Variants in CES4A observed in about 807,000 individuals in gnomAD.
CES4A encodes the protein carboxylesterase 4A, also known as carboxylesterase 6.
In CES4A, 48 loss-of-function variants were observed where a neutral mutation model predicts 65.4. That is an observed-to-expected ratio of 0.73 (90% confidence interval 0.58 to 0.93). The LOEUF (loss-of-function observed/expected upper bound fraction) is 0.93. Among genes scored for constraint, CES4A ranks in the 40% least tolerant of loss-of-function variants. The pLI is 0.00. For synonymous variants in CES4A, 247 were observed against 281.8 expected, an observed-to-expected ratio of 0.88 and a Z score of 1.24; for missense variants, 685 against 728.5, an observed-to-expected ratio of 0.94 and a Z score of 0.69.
In CES4A at chr16:67,003,394, G is replaced by A. The variant is rs1965505382; in HGVS notation, c.900+34G>A. On this transcript the variant is annotated intron_variant, in intron 7 of 13. Transcript: ENST00000648724. The surrounding 1 kb of genome is among the most constrained non-coding windows in gnomAD (Gnocchi z 4.2). ...AACATTCCAGCTGCCTGACCTGGCT[G>A]CCTGAGGGCCATCCTCCTATCCTGG... 5.0e-6 allele frequency: 8 copies of A among 1,605,202 alleles called. No individual in the cohort carries two copies. The East Asian group carries it at 1.6e-4, about 31-fold the overall frequency.
chr16:66,991,408 T>G (rs1964385174), intron 1 of CES4A, among the ~76,000 whole-genome samples: 1 of 152,246 alleles, frequency 6.6e-6, no homozygotes, highest in Non-Finnish European at 1.5e-5. Context: ...CCACCAACAG[T>G]ATATGTGAAT....
chr16:67,002,166 A>G (rs945338038), intron 5 of CES4A, among the ~76,000 whole-genome samples: 6 of 152,222 alleles, frequency 3.9e-5, no homozygotes, highest in Non-Finnish European at 8.8e-5. Flanking sequence ...GCAGAGGAAA[A>G]AAAAATTTTT....
rs773276608 is a variant in CES4A, at chr16:67,001,055, G to A, written c.536+65G>A. The stretch of plus-strand genomic sequence containing the variant: ...AGAGCGGCGGGGACTGGGTGGGAAG[G>A]GAGGGGCGGGGCCTGGGGCGGGGAT... On this transcript the variant is annotated intron_variant, in intron 4 of 13. Coordinates refer to ENST00000648724, the Ensembl canonical transcript of CES4A. The surrounding 1 kb of genome is among the most constrained non-coding windows in gnomAD (Gnocchi z 4.1). The A allele has an allele frequency of 7.9e-6, 9 of 1,137,786 alleles. No individual in the cohort carries two copies. Among genetic ancestry groups the A allele is most frequent in the East Asian group, 2.5e-5 (1 of 39,814 alleles). 70.5% of individuals were successfully genotyped at this position (1,137,786 alleles called of 1,614,324 possible).
At position 67,003,337 on chromosome 16, in the gene CES4A, G is replaced by T. The variant is rs769567193; in HGVS notation, c.877G>T (p.Val293Leu). 1 of 1,613,866 alleles carries T rather than the reference G, an allele frequency of 6.2e-7. No individual in the cohort carries two copies. The highest frequency in any genetic ancestry group is 8.5e-7 in the Non-Finnish European group (1 of 1,179,984). The change falls in exon 7 of 14, where the codon GTG becomes TTG. Residue 293 changes from valine to leucine, a missense_variant. Transcript: ENST00000648724. The surrounding 1 kb of genome is among the most constrained non-coding windows in gnomAD (Gnocchi z 4.2). The stretch of plus-strand genomic sequence containing the variant: ...CCTGAGGGCACTATCAGGGACCAAG[G>T]TGATGCGTGTGTCCAACAAGATGGT...
chr16:67,009,140 TAAGG>T (rs1334727138), exon 14 of CES4A: 1 of 1,611,574 alleles, frequency 6.2e-7, no homozygotes, highest in East Asian at 2.2e-5. Context: ...GAGGCAATTC[TAAGG>T]GTGGCTATGC....
rs1330602538 is a variant in CES4A at position 67,000,496 on chromosome 16, TACACGCACACGCACGCACATGCGCACGC to T, written c.261-133_261-106del. ...CCCCGGGGCTGGCGGAGGCCTCCTG[TACACGCACACGCACGCACATGCGCACGC>T]ACACGCACGCGCACAGACGCTGCCT... On this transcript the variant is annotated intron_variant, in intron 2 of 13. Transcript: ENST00000648724. This position sits in a 1 kb window ranked among gnomAD's most constrained non-coding sequence, Gnocchi z 4.2. The T allele has an allele frequency of 4.9e-6, 7 of 1,439,058 alleles. No individual in the cohort carries two copies. In the African/African-American group the frequency reaches 1.0e-4, roughly 21 times the overall value. The allele number at this position is 1,439,058 out of a possible 1,614,324, so 89.1% of individuals were successfully genotyped here.
At chr16:67,005,701 T>C (rs115379382) in intron 11 of CES4A, 9,985 of 270,268 alleles carry the variant, frequency 0.037, 301 homozygotes, top group South Asian at 0.073. Flanking sequence ...ACAAAAAAAT[T>C]AGCCAGCTGT....
chr16:67,000,563 G>A lies in CES4A; in HGVS notation c.261-75G>A. 6.7e-7 allele frequency: 1 copy of A among 1,492,818 alleles called. No individual in the cohort carries two copies. Among genetic ancestry groups the A allele is most frequent in the South Asian group, 1.3e-5 (1 of 77,956 alleles). 92.5% of individuals were successfully genotyped at this position (1,492,818 alleles called of 1,614,324 possible). Reference sequence around the variant, plus strand: ...CAGACGCTGCCTGGATTTTGCTTTGGGTTCCGTCTTCTCACTGCGGACCCT... The same window carrying A: ...CAGACGCTGCCTGGATTTTGCTTTGAGTTCCGTCTTCTCACTGCGGACCCT... On this transcript the variant is annotated intron_variant, in intron 2 of 13. Coordinates refer to ENST00000648724, the Ensembl canonical transcript of CES4A. This position sits in a 1 kb window ranked among gnomAD's most constrained non-coding sequence, Gnocchi z 4.2.
exon 12 of CES4A, chr16:67,006,447 G>C (rs1038431195): frequency 2.6e-6 from 4 of 1,536,552 alleles, no homozygotes; most frequent in South Asian, 1.2e-5. Context: ...TGGAATAATC[G>C]TCAAACCCCG....
chr16:67,003,584 T>C lies in CES4A; in HGVS notation c.939+31T>C, dbSNP rs367625159. 1.3e-6 allele frequency: 2 copies of C among 1,577,896 alleles called. No homozygotes were observed. Among genetic ancestry groups the C allele is most frequent in the Non-Finnish European group, 1.7e-6 (2 of 1,147,134 alleles). ...CAGGCCACATTCTGCAATTTGAGTA[T>C]TTATTTAACACCTACTTTGTGCCAG... On this transcript the variant is annotated intron_variant, in intron 8 of 13. Coordinates refer to ENST00000648724, the Ensembl canonical transcript of CES4A. This position sits in a 1 kb window ranked among gnomAD's most constrained non-coding sequence, Gnocchi z 4.2.
intron 2 of CES4A, among the ~76,000 whole-genome samples, chr16:66,997,599 C>T (rs1021615292): frequency 4.6e-5 from 7 of 152,046 alleles, no homozygotes; most frequent in African/African-American, 1.7e-4. Context: ...TAGTTTTTGG[C>T]CACAGTAGAC....
At chr16:66,990,582 C>T (rs538836667) in intron 1 of CES4A, among the ~76,000 whole-genome samples, 1 of 152,008 alleles carries the variant, frequency 6.6e-6, no homozygotes, top group South Asian at 2.1e-4. Context: ...GCCTGCAGTC[C>T]CAACTGCTCG....
In CES4A at chr16:67,003,268, C is replaced by G; in HGVS notation, c.808C>G (p.Leu270Val). The G allele has an allele frequency of 2.5e-6, 4 of 1,614,172 alleles. No individual in the cohort carries two copies. Among genetic ancestry groups the G allele is most frequent in the Non-Finnish European group, 3.4e-6 (4 of 1,180,006 alleles). Residue 270 changes from leucine to valine, a missense_variant, in exon 7 of 14, where the codon CTG becomes GTG. Coordinates refer to ENST00000648724, the Ensembl canonical transcript of CES4A. The surrounding 1 kb of genome is among the most constrained non-coding windows in gnomAD (Gnocchi z 4.2). ...CTTCTCTCTATAGAAGGTTGCCCAC[C>G]TGGCTGGATGCAACCACAACAGCAC...
chr16:67,003,101 A>T lies in CES4A; in HGVS notation c.722A>T (p.His241Leu), dbSNP rs1231867822. ...TCACCCCTAGCCTCGGGTCTCTTCC[A>T]TCGGGCCATTTCCCAGAGTGGCACC... Residue 241 changes from histidine to leucine, a missense_variant, in exon 6 of 14, where the codon CAT becomes CTT. His to Leu is a moderately conservative substitution (Grantham distance 99). Transcript: ENST00000648724. This position sits in a 1 kb window ranked among gnomAD's most constrained non-coding sequence, Gnocchi z 4.2. The T allele has an allele frequency of 3.1e-6, 5 of 1,614,084 alleles. No individual in the cohort carries two copies. Among genetic ancestry groups the T allele is most frequent in the Non-Finnish European group, 4.2e-6 (5 of 1,179,992 alleles).
chr16:67,005,174 A>T, intron 10 of CES4A, 66 bp from the exon 11 acceptor site: 2 of 1,527,718 alleles, frequency 1.3e-6, no homozygotes, highest in Middle Eastern at 1.9e-4. Context: ...GATCCAAGTC[A>T]CTGGTGGGCC....
chr16:66,991,786 A>T (rs895984511), intron 1 of CES4A, among the ~76,000 whole-genome samples: 1 of 152,104 alleles, frequency 6.6e-6, no homozygotes, highest in African/African-American at 2.4e-5. Flanking sequence ...TGTAACAATA[A>T]CATTTGCCCT....
At chr16:67,009,896 A>G (rs2145686417), downstream of CES4A, 1 of 152,130 alleles carries the variant, frequency 6.6e-6, no homozygotes, top group East Asian at 1.9e-4. Flanking sequence ...GGTACAAAAC[A>G]CTTGCCTTTT....
At chr16:67,009,095 A>T (rs1342011338) in exon 14 of CES4A, 1 of 1,614,146 alleles carries the variant, frequency 6.2e-7, no homozygotes, top group South Asian at 1.1e-5. Context: ...GGCTTTTTGG[A>T]TGAGTCTGTA....
rs1419631823 is a variant in CES4A at position 67,003,627 on chromosome 16, G to A, written c.939+74G>A. The A allele has an allele frequency of 7.9e-7, 1 of 1,263,214 alleles. No homozygotes were observed. The highest frequency in any genetic ancestry group is 1.2e-5 in the South Asian group (1 of 83,938). The allele number at this position is 1,263,214 out of a possible 1,614,324, so 78.3% of individuals were successfully genotyped here. On this transcript the variant is annotated intron_variant, in intron 8 of 13. Coordinates refer to ENST00000648724, the Ensembl canonical transcript of CES4A. The surrounding 1 kb of genome is among the most constrained non-coding windows in gnomAD (Gnocchi z 4.2). The stretch of plus-strand genomic sequence containing the variant: ...TGTGCCAGGCACTTGGGATACTTAG[G>A]GAATTGTTCAGGCCAAGATCCCTTC...
Sources: allele counts gnomAD v4.1 joint callset (sites outside exome capture counted in the v4.1 genomes callset), GRCh38; gene constraint gnomAD v4.1.1; non-coding constraint Gnocchi (gnomAD v3.1); transcripts MANE v1.5; gene names NCBI Gene and HGNC (gene_info 2026-07-23, HGNC 2026-07-21).